Variants in LIN7A observed in about 807,000 individuals in gnomAD.
LIN7A encodes the protein lin-7 cell polarity scaffold A, also known as protein lin-7 homolog A.
In LIN7A, 25 loss-of-function variants were observed where a neutral mutation model predicts 29.8. The observed-to-expected ratio is 0.84, with a 90% CI of 0.61 to 1.17. LIN7A has a LOEUF of 1.17. Ranked by LOEUF, LIN7A falls within the 50% of genes most tolerant of loss-of-function variation. The probability of loss-of-function intolerance (pLI) is 0.00; values close to 1 mark genes in which losing one functional copy is unlikely to be tolerated. For missense variants in LIN7A, 239 were observed against 287.0 expected, an observed-to-expected ratio of 0.83 and a Z score of 1.21; for synonymous variants, 118 against 107.5, an observed-to-expected ratio of 1.10 and a Z score of -0.60.
chr12:80,895,728 T>C (rs1875853016), intron 1 of LIN7A, among the ~76,000 whole-genome samples: 1 of 152,220 alleles, frequency 6.6e-6, no homozygotes, highest in Non-Finnish European at 1.5e-5. Flanking sequence ...TTCAACATTT[T>C]CATCTTTGCA....
chr12:80,864,126 ATAAGTT>A (rs1271606007), intron 2 of LIN7A, among the ~76,000 whole-genome samples: 1 of 152,176 alleles, frequency 6.6e-6, no homozygotes, highest in East Asian at 1.9e-4. Context: ...AGTTACACTC[ATAAGTT>A]TAAGGGCGTA....
At chr12:80,929,983 C>T (rs1012503077) in intron 1 of LIN7A, among the ~76,000 whole-genome samples, 4 of 152,276 alleles carry the variant, frequency 2.6e-5, no homozygotes, top group Middle Eastern at 6.8e-3. Flanking sequence ...CTCCATCTAT[C>T]TTGTGGGTTT....
chr12:80,806,032 C>T (rs186285236), intron 5 of LIN7A, among the ~76,000 whole-genome samples: 144 of 140,660 alleles, frequency 1.0e-3, no homozygotes, highest in Admixed American at 2.2e-3. Context: ...GAGCTGAGAT[C>T]GCACCACGGC....
At chr12:80,805,682 T>A (rs190777788) in intron 5 of LIN7A, among the ~76,000 whole-genome samples, 27 of 152,196 alleles carry the variant, frequency 1.8e-4, no homozygotes, top group African/African-American at 6.0e-4. Context: ...TCAAGCTGAA[T>A]AAATATAACA....
At chr12:80,828,176 C>G (rs1565892394) in intron 4 of LIN7A, among the ~76,000 whole-genome samples, 1 of 152,114 alleles carries the variant, frequency 6.6e-6, no homozygotes, top group African/African-American at 2.4e-5. Flanking sequence ...TTGGCAATAT[C>G]TATTAAAATA....
At chr12:80,865,116 C>A (rs190978980) in intron 2 of LIN7A, among the ~76,000 whole-genome samples, 2 of 152,218 alleles carry the variant, frequency 1.3e-5, no homozygotes, top group Non-Finnish European at 2.9e-5. Flanking sequence ...TGATTCCATG[C>A]CTGTTTCAAA....
intron 2 of LIN7A, among the ~76,000 whole-genome samples, chr12:80,883,497 G>C (rs941534673): frequency 4.6e-5 from 7 of 152,122 alleles, no homozygotes; most frequent in Admixed American, 1.3e-4. Flanking sequence ...TACCAGTCTT[G>C]TGTGTTTTCT....
At chr12:80,803,735 AT>A (rs1441978015) in intron 5 of LIN7A, among the ~76,000 whole-genome samples, 5 of 152,166 alleles carry the variant, frequency 3.3e-5, no homozygotes, top group Admixed American at 6.5e-5. Flanking sequence ...AATTTGTGTT[AT>A]TTTAAGCTAC....
intron 1 of LIN7A, among the ~76,000 whole-genome samples, chr12:80,896,945 G>A (rs1316528395): frequency 6.6e-6 from 1 of 152,138 alleles, no homozygotes; most frequent in Non-Finnish European, 1.5e-5. Flanking sequence ...TACCCAATAA[G>A]CAAATCTTTA....
chr12:80,933,097 T>C (rs1878003861), intron 1 of LIN7A, among the ~76,000 whole-genome samples: 1 of 152,210 alleles, frequency 6.6e-6, no homozygotes, highest in African/African-American at 2.4e-5. Flanking sequence ...ATATCTCCTC[T>C]TATGACCACT....
At chr12:80,841,373 AAG>A (rs1565897707) in intron 4 of LIN7A, among the ~76,000 whole-genome samples, 9 of 147,532 alleles carry the variant, frequency 6.1e-5, no homozygotes, top group African/African-American at 2.3e-4. Flanking sequence ...GGAAGGAAGG[AAG>A]GAAGGAAGGA....
At chr12:80,890,427 T>G (rs1273613166) in intron 1 of LIN7A, among the ~76,000 whole-genome samples, 3 of 152,280 alleles carry the variant, frequency 2.0e-5, no homozygotes, top group African/African-American at 7.2e-5. Flanking sequence ...ATTTTGAGTT[T>G]CTGTTATTAA....
intron 4 of LIN7A, among the ~76,000 whole-genome samples, chr12:80,822,630 C>T (rs1318806555): frequency 6.6e-6 from 1 of 152,100 alleles, no homozygotes; most frequent in African/African-American, 2.4e-5. Flanking sequence ...CCACTGGGAC[C>T]CTTCCACAAC....
intron 1 of LIN7A, among the ~76,000 whole-genome samples, chr12:80,897,222 G>T: frequency 6.6e-6 from 1 of 150,648 alleles, no homozygotes; most frequent in African/African-American, 2.4e-5. Flanking sequence ...CTTATTATTT[G>T]ATGTCTTTCC....
intron 2 of LIN7A, among the ~76,000 whole-genome samples, chr12:80,852,708 C>T (rs965094929): frequency 7.9e-5 from 12 of 152,184 alleles, no homozygotes; most frequent in Non-Finnish European, 1.8e-4. Flanking sequence ...GTTGTTCTCT[C>T]TTCTACTTTT....
intron 1 of LIN7A, chr12:80,935,738 A>G: frequency 2.1e-6 from 1 of 478,124 alleles, no homozygotes; most frequent in South Asian, 1.5e-5. Flanking sequence ...GAATTTTTTC[A>G]GACTCATCCA....
At chr12:80,854,308 C>T (rs1192087816) in intron 2 of LIN7A, among the ~76,000 whole-genome samples, 1 of 151,826 alleles carries the variant, frequency 6.6e-6, no homozygotes, top group Non-Finnish European at 1.5e-5. Flanking sequence ...GGCACAGTGG[C>T]TCACATCTGT....
chr12:80,934,606 G>C (rs921445239), intron 1 of LIN7A, among the ~76,000 whole-genome samples: 3 of 152,148 alleles, frequency 2.0e-5, no homozygotes, highest in African/African-American at 7.2e-5. Flanking sequence ...GCTTTGATTT[G>C]TTTGCTTAAA....
At chr12:80,932,589 T>C (rs937153122) in intron 1 of LIN7A, among the ~76,000 whole-genome samples, 10 of 152,254 alleles carry the variant, frequency 6.6e-5, no homozygotes, top group Non-Finnish European at 1.0e-4. Flanking sequence ...TTTTAATTAT[T>C]CATTTTTCTC....
Sources: gnomAD v4.1 joint callset for allele counts (sites outside exome capture counted in the v4.1 genomes callset) on GRCh38, gnomAD v4.1.1 for gene constraint, MANE v1.5 for transcripts, NCBI Gene and HGNC (gene_info 2026-07-23, HGNC 2026-07-21) for gene names.